Variants in PCGF2 observed in about 807,000 individuals in gnomAD.
The protein encoded by PCGF2 is polycomb group RING finger protein 2.
PCGF2 carries 8 observed loss-of-function variants against 36.1 expected under a neutral mutation model. The ratio of observed to expected loss-of-function variants is 0.22; its 90% confidence interval spans 0.13 to 0.40. The LOEUF (loss-of-function observed/expected upper bound fraction) is 0.40, where lower values mean the gene tolerates loss of function less well. Ranked by LOEUF, PCGF2 falls within the 10% of genes least tolerant of loss-of-function variation. The pLI is 1.00. For synonymous variants in PCGF2, 198 were observed against 191.2 expected (o/e 1.04, Z -0.29); for missense variants, 436 against 475.9 (o/e 0.92, Z 0.78).
At chr17:38,741,282 C>T (rs548550548) in intron 2 of PCGF2, among the ~76,000 whole-genome samples, 108 of 151,994 alleles carry the variant, frequency 7.1e-4, no homozygotes, top group Non-Finnish European at 9.3e-4. Context: ...AAAAGAAAAA[C>T]AAAAACAAAA....
rs1414648579 is a variant in PCGF2 at position 38,739,031 on chromosome 17, A to G, written c.316+37T>C. On this transcript the variant is annotated intron_variant, in intron 6 of 10. Transcript: ENST00000620225. The surrounding 1 kb of genome is among the most constrained non-coding windows in gnomAD (Gnocchi z 4.0). ...CTACACACCTACATGGTCCCAGGCA[A>G]GACTGTGCACACACAAACAGACGCG... is the stretch of plus-strand genomic sequence containing the variant. The G allele has an allele frequency of 7.5e-6, 12 of 1,610,142 alleles. No individual in the cohort carries two copies. The highest frequency in any genetic ancestry group is 1.0e-5 in the Non-Finnish European group (12 of 1,178,056).
intron 2 of PCGF2, among the ~76,000 whole-genome samples, chr17:38,745,718 A>T (rs561576914): frequency 4.1e-4 from 62 of 152,302 alleles, no homozygotes; most frequent in African/African-American, 1.5e-3. Flanking sequence ...GCTTCATCCC[A>T]GCAGGTGGGA....
At chr17:38,744,454 G>A (rs932294484) in intron 2 of PCGF2, among the ~76,000 whole-genome samples, 1 of 151,890 alleles carries the variant, frequency 6.6e-6, no homozygotes. Context: ...CTCCTGGATT[G>A]AAGCGATTCT....
chr17:38,738,593 T>A lies in PCGF2; in HGVS notation c.428A>T (p.Asp143Val), dbSNP rs1347323535. The A allele has an allele frequency of 6.4e-7, 1 of 1,571,094 alleles. No individual in the cohort carries two copies. The highest frequency in any genetic ancestry group is 8.6e-7 in the Non-Finnish European group (1 of 1,159,194). ...CAGGGGGCCCTTCTTCTCGTCCCGG[T>A]CCCTGGGGACGGAGAAAGAATGAAG... ...LSIEFYEGAR[D>V]RDEKKGPLEN... Residue 143 changes from aspartate (D) to valine (V), a missense_variant and splice_region_variant, in exon 8 of 11, where the codon GAC (aspartate) becomes GTC (valine). By Grantham distance (152) the Asp-to-Val change is radical (BLOSUM62 -3). Around this residue, in one of 3 missense-constraint regions of PCGF2, gnomAD observed 189 missense variants for 219.3 expected, o/e 0.86. Coordinates refer to ENST00000620225, the MANE Select transcript of PCGF2 (RefSeq NM_007144.3).
Position 38,739,229 on chromosome 17 carries a change from A to G in PCGF2, c.234T>C (p.Ile78=). Reference sequence around the variant, plus strand: ...AAAGCCCAGGGACCAATTTGTAGACAATGTCTTGAAGTGTTTTGTCAGACC... The same window carrying G: ...AAAGCCCAGGGACCAATTTGTAGACGATGTCTTGAAGTGTTTTGTCAGACC... ...SIRSDKTLQD[I]VYKLVPGLFK... The change falls in exon 5 of 11, where the codon ATT becomes ATC. Residue 78 remains isoleucine (I), a synonymous_variant. Coordinates refer to ENST00000620225, the MANE Select transcript of PCGF2 (RefSeq NM_007144.3). This position sits in a 1 kb window ranked among gnomAD's most constrained non-coding sequence, Gnocchi z 4.0. 6.2e-7 allele frequency: 1 copy of G among 1,614,004 alleles called. No homozygotes were observed. The highest frequency in any genetic ancestry group is 1.1e-5 in the South Asian group (1 of 91,074).
intron 9 of PCGF2, among the ~76,000 whole-genome samples, chr17:38,737,613 G>A (rs2057853316): frequency 6.6e-6 from 1 of 152,086 alleles, no homozygotes; most frequent in Admixed American, 6.5e-5. Flanking sequence ...CTAGGAGCTT[G>A]TTAGAAATAT....
chr17:38,747,659 C>A (rs1907625376), intron 2 of PCGF2, among the ~76,000 whole-genome samples: 1 of 152,170 alleles, frequency 6.6e-6, no homozygotes, highest in Non-Finnish European at 1.5e-5. Flanking sequence ...CGCCCTCCCC[C>A]GGCCTCGCGG....
At chr17:38,744,976 A>G (rs1344160722) in intron 2 of PCGF2, among the ~76,000 whole-genome samples, 1 of 152,192 alleles carries the variant, frequency 6.6e-6, no homozygotes, top group Non-Finnish European at 1.5e-5. Flanking sequence ...ACACTTTGGG[A>G]GGCCAAGGCG....
At position 38,739,798 on chromosome 17, in the gene PCGF2, G is replaced by A. The variant is rs1469761065; in HGVS notation, c.113-116C>T. 2.6e-5 allele frequency: 20 copies of A among 771,008 alleles called. No homozygotes were observed. Among genetic ancestry groups the A allele is most frequent in the East Asian group, 2.0e-4 (8 of 39,842 alleles). The allele number at this position is 771,008 out of a possible 1,614,324, so 47.8% of individuals were successfully genotyped here. On this transcript the variant is annotated intron_variant, in intron 3 of 10. Coordinates refer to ENST00000620225, the MANE Select transcript of PCGF2 (RefSeq NM_007144.3). The surrounding 1 kb of genome is among the most constrained non-coding windows in gnomAD (Gnocchi z 4.0). ...TCCTCCTCCACCCTGTCCCTGCTCCGAGGCCCAATGTGGCGATGTGTGTTC... is the reference window on the plus strand; with the variant it reads ...TCCTCCTCCACCCTGTCCCTGCTCCAAGGCCCAATGTGGCGATGTGTGTTC...
At chr17:38,735,753 G>A (rs925040655) in intron 10 of PCGF2, among the ~76,000 whole-genome samples, 153 bp from the exon 11 acceptor site, 1 of 152,178 alleles carries the variant, frequency 6.6e-6, no homozygotes, top group Admixed American at 6.5e-5. Context: ...AGGATACAGG[G>A]TGCATGAAGA....
At chr17:38,747,297 T>A (rs1907596510) in intron 2 of PCGF2, among the ~76,000 whole-genome samples, 1 of 151,708 alleles carries the variant, frequency 6.6e-6, no homozygotes, top group South Asian at 2.1e-4. Context: ...TAGGAGGGCG[T>A]GCGCAGGGTG....
rs1009590543 is a variant in PCGF2 at position 38,734,293 on chromosome 17, GC to G, written c.*929del. On this transcript the variant is annotated 3_prime_UTR_variant, in exon 11 of 11. Transcript: ENST00000620225. ...GCAATTGGAAGGCTGTTTGCCTCTG[GC>G]AAAGTCTGGGATCTGTGCTTGTGTG... The G allele has an allele frequency of 1.4e-4, 21 of 152,766 alleles. No homozygotes were observed. Among genetic ancestry groups the G allele is most frequent in the African/African-American group, 5.1e-4 (21 of 41,510 alleles). The allele number at this position is 152,766 out of a possible 1,614,324, so 9.5% of individuals were successfully genotyped here. A position where few individuals can be genotyped will look rare whatever the true frequency, so the allele number is the denominator to read the frequency against.
In PCGF2 at chr17:38,738,592, G is replaced by A. The variant is rs2143089265; in HGVS notation, c.429C>T (p.Asp143=). The change falls in exon 8 of 11, where the codon GAC becomes GAT. Residue 143 remains aspartate (D), a synonymous_variant. Transcript: ENST00000620225. ...CCAGGGGGCCCTTCTTCTCGTCCCG[G>A]TCCCTGGGGACGGAGAAAGAATGAA... ...LSIEFYEGAR[D]RDEKKGPLEN... 6.4e-7 allele frequency: 1 copy of A among 1,572,152 alleles called. No individual in the cohort carries two copies. Among genetic ancestry groups the A allele is most frequent in the Non-Finnish European group, 8.6e-7 (1 of 1,160,028 alleles).
rs779314891 is a variant in PCGF2 at position 38,735,578 on chromosome 17, T to A, written c.680A>T (p.Tyr227Phe). ...CCGCTTGCAGGCTGGCTGGACACGG[T>A]ACTTGAGGGGGAGAGGCCCGTTCTG... ...WRRNGPLPLKYRVQPACKRLT... is the reference protein window; with the variant it reads ...WRRNGPLPLKFRVQPACKRLT... The change falls in exon 11 of 11, where the codon TAC becomes TTC. Residue 227 changes from tyrosine to phenylalanine, a missense_variant. Physicochemically the swap from Tyr to Phe is conservative, Grantham distance 22. Coordinates refer to ENST00000620225, the MANE Select transcript of PCGF2 (RefSeq NM_007144.3). 2 of 1,575,824 alleles carry A rather than the reference T, an allele frequency of 1.3e-6. No homozygotes were observed. Among genetic ancestry groups the A allele is most frequent in the South Asian group, 2.3e-5 (2 of 86,570 alleles).
intron 10 of PCGF2, 131 bp downstream of exon 10, chr17:38,735,959 C>T: frequency 1.4e-6 from 1 of 708,002 alleles, no homozygotes; most frequent in Non-Finnish European, 2.5e-6. Flanking sequence ...TGTAGCAAGC[C>T]ACCCTGGACA....
chr17:38,745,777 C>T (rs1006384207), intron 2 of PCGF2, among the ~76,000 whole-genome samples: 3 of 152,134 alleles, frequency 2.0e-5, no homozygotes, highest in Non-Finnish European at 4.4e-5. Flanking sequence ...CTCAGTGGGC[C>T]GCCGTCTGGG....
chr17:38,744,271 T>A (rs565375860), intron 2 of PCGF2, among the ~76,000 whole-genome samples: 1 of 152,162 alleles, frequency 6.6e-6, no homozygotes, highest in African/African-American at 2.4e-5. Context: ...CCCCGACCCC[T>A]CTTTGCCATT....
At position 38,735,613 on chromosome 17, in the gene PCGF2, T is replaced by TG. The variant is rs764617689; in HGVS notation, c.658-14dup. Reference sequence around the variant, plus strand: ...GGAGAGGCCCGTTCTGCGGGGAGAGTGGGGAGGAGAGACACAGGGAAGGGG... The same window carrying TG: ...GGAGAGGCCCGTTCTGCGGGGAGAGTGGGGGAGGAGAGACACAGGGAAGGGG... On this transcript the variant is annotated splice_polypyrimidine_tract_variant and intron_variant, in intron 10 of 10. Transcript: ENST00000620225. 1.2e-5 allele frequency: 19 copies of TG among 1,522,770 alleles called. No individual in the cohort carries two copies. In the African/African-American group the frequency reaches 2.7e-4, roughly 22 times the overall value. The allele number at this position is 1,522,770 out of a possible 1,614,324, so 94.3% of individuals were successfully genotyped here.
In PCGF2 at chr17:38,739,363, G is replaced by C. The variant is rs1907018691; in HGVS notation, c.210-110C>G. ...TCTTCCCACCCCCTTCCTGAGACCG[G>C]TGCCCAGGCATTAGGATCCCTGTGG... On this transcript the variant is annotated intron_variant, in intron 4 of 10. Transcript: ENST00000620225. This position sits in a 1 kb window ranked among gnomAD's most constrained non-coding sequence, Gnocchi z 4.0. The C allele has an allele frequency of 9.4e-7, 1 of 1,062,844 alleles. No homozygotes were observed. Among genetic ancestry groups the C allele is most frequent in the African/African-American group, 1.6e-5 (1 of 63,966 alleles). 65.8% of individuals were successfully genotyped at this position (1,062,844 alleles called of 1,614,324 possible).
Sources: gnomAD v4.1 joint callset for allele counts (sites outside exome capture counted in the v4.1 genomes callset) on GRCh38, gnomAD v4.1.1 for gene constraint, gnomAD v4.1.1 regional missense constraint, Gnocchi (gnomAD v3.1) non-coding constraint, MANE v1.5 for transcripts, NCBI Gene and HGNC (gene_info 2026-07-23, HGNC 2026-07-21) for gene names.